The following PHACTR1 variants were observed in gnomAD, a reference collection of about 807,000 sequenced individuals.
PHACTR1 encodes the protein phosphatase and actin regulator 1.
In PHACTR1, 16 loss-of-function variants were observed where a neutral mutation model predicts 69.2. The ratio of observed to expected loss-of-function variants is 0.23; its 90% confidence interval spans 0.16 to 0.35. The LOEUF (loss-of-function observed/expected upper bound fraction) is 0.35, where lower values mean the gene tolerates loss of function less well. PHACTR1 is among the 10% of genes least tolerant of loss of function. The pLI, the probability that PHACTR1 is intolerant of heterozygous loss-of-function variation, is 1.00. For missense variants in PHACTR1, 510 were observed against 734.7 expected, an observed-to-expected ratio of 0.69 and a Z score of 3.54; for synonymous variants, 312 against 284.5, an observed-to-expected ratio of 1.10 and a Z score of -0.97.
chr6:12,750,976 ATG>A (rs5874376), intron 4 of PHACTR1, among the ~76,000 whole-genome samples: 68,637 of 151,350 alleles, frequency 0.45, 15,881 homozygotes, highest in Non-Finnish European at 0.49. Context: ...ATCAAACAAA[ATG>A]TGTGTGTGTG....
chr6:12,988,843 T>C (rs530031834), intron 4 of PHACTR1, among the ~76,000 whole-genome samples: 3 of 152,186 alleles, frequency 2.0e-5, no homozygotes, highest in African/African-American at 7.2e-5. Flanking sequence ...AGCCTACTCA[T>C]CTCACAGGAG....
intron 4 of PHACTR1, among the ~76,000 whole-genome samples, chr6:12,894,062 C>T (rs1020248522): frequency 1.3e-5 from 2 of 152,208 alleles, no homozygotes; most frequent in Admixed American, 6.5e-5. Flanking sequence ...ACTTTTTAAG[C>T]GTTCTCGCCA....
intron 5 of PHACTR1, among the ~76,000 whole-genome samples, chr6:13,149,422 T>TA (rs1823958992): frequency 6.7e-6 from 1 of 149,034 alleles, no homozygotes; most frequent in Non-Finnish European, 1.5e-5. Context: ...CTCTGTGGGT[T>TA]ACTATTCTGC....
intron 4 of PHACTR1, among the ~76,000 whole-genome samples, chr6:12,951,401 A>T (rs1791277201): frequency 6.6e-6 from 1 of 152,264 alleles, no homozygotes; most frequent in South Asian, 2.1e-4. Flanking sequence ...ACCCTTAGTT[A>T]GTCAGCCAGG....
At chr6:13,024,795 G>A (rs988771152) in intron 4 of PHACTR1, among the ~76,000 whole-genome samples, 4 of 152,188 alleles carry the variant, frequency 2.6e-5, no homozygotes, top group Admixed American at 6.5e-5. Context: ...GCCCTTTGCC[G>A]TGGGAGTAGA....
chr6:13,211,678 G>A (rs542683001), intron 8 of PHACTR1, among the ~76,000 whole-genome samples: 140 of 152,222 alleles, frequency 9.2e-4, no homozygotes, highest in African/African-American at 3.1e-3. Flanking sequence ...CTGACTGTCC[G>A]CAAATCCTGT....
intron 10 of PHACTR1, among the ~76,000 whole-genome samples, chr6:13,268,018 G>A (rs1029081279): frequency 6.6e-5 from 10 of 152,132 alleles, no homozygotes; most frequent in Admixed American, 1.3e-4. Context: ...TGTAATCTCA[G>A]CACTCTGGGA....
intron 4 of PHACTR1, among the ~76,000 whole-genome samples, chr6:13,026,795 A>G (rs563931195): frequency 6.6e-6 from 1 of 152,254 alleles, no homozygotes; most frequent in East Asian, 1.9e-4. Context: ...CCCCGTGCCC[A>G]GCCAAACCTC....
At chr6:12,884,959 C>G (rs1432313821) in intron 4 of PHACTR1, among the ~76,000 whole-genome samples, 2 of 152,184 alleles carry the variant, frequency 1.3e-5, no homozygotes, top group Non-Finnish European at 2.9e-5. Flanking sequence ...GGAGTTTTCT[C>G]GATAATTTAG....
At chr6:12,791,637 G>A (rs1772289633) in intron 4 of PHACTR1, among the ~76,000 whole-genome samples, 4 of 152,172 alleles carry the variant, frequency 2.6e-5, no homozygotes, top group Admixed American at 2.0e-4. Context: ...ACTGCTCTAC[G>A]ACTCACCTTT....
At chr6:12,793,804 G>A (rs1343731609) in intron 4 of PHACTR1, among the ~76,000 whole-genome samples, 1 of 152,150 alleles carries the variant, frequency 6.6e-6, no homozygotes, top group Non-Finnish European at 1.5e-5. Context: ...TGAGTCATCA[G>A]ATTTCCAATG....
intron 4 of PHACTR1, among the ~76,000 whole-genome samples, chr6:12,998,663 A>G (rs1353091719): frequency 6.6e-6 from 1 of 152,042 alleles, no homozygotes; most frequent in Non-Finnish European, 1.5e-5. Flanking sequence ...GCAGCGCAAA[A>G]CATCAAGTCA....
At chr6:13,248,157 T>G (rs1773852452) in intron 10 of PHACTR1, among the ~76,000 whole-genome samples, 1 of 152,212 alleles carries the variant, frequency 6.6e-6, no homozygotes, top group Non-Finnish European at 1.5e-5. Flanking sequence ...CTGTCAAGTT[T>G]CCCTCTCTCT....
At chr6:12,771,375 T>TGCTCACAGGACTGGTTAATGA (rs1769357961) in intron 4 of PHACTR1, among the ~76,000 whole-genome samples, 5 of 152,194 alleles carry the variant, frequency 3.3e-5, no homozygotes, top group Non-Finnish European at 7.3e-5. Flanking sequence ...AGGGGGCAGA[T>TGCTCACAGGACTGGTTAATGA]GCTCACAGGA....
chr6:12,930,233 C>T lies in PHACTR1; in HGVS notation c.251-123132C>T, dbSNP rs79735860. Among the ~76,000 whole-genome samples, 1,184 of 152,010 alleles carry T rather than the reference C, an allele frequency of 7.8e-3. 17 individuals carry two copies. Among genetic ancestry groups the T allele is most frequent in the African/African-American group, 0.027 (1,121 of 41,432 alleles). On this transcript the variant is annotated intron_variant, in intron 4 of 14. Transcript: ENST00000332995. ...TGATTTGGGGGAATTATTGTGGAGA[C>T]GGGGTCTTGCTCTATTATCCAAGTT...
chr6:12,824,669 C>T (rs1015890097), intron 4 of PHACTR1, among the ~76,000 whole-genome samples: 3 of 152,152 alleles, frequency 2.0e-5, no homozygotes, highest in Admixed American at 2.0e-4. Context: ...TATTCTTTTC[C>T]TAGCACTATT....
chr6:13,286,065 A>G, intron 13 of PHACTR1, 81 bp from the exon 14 acceptor site: 1 of 1,184,992 alleles, frequency 8.4e-7, no homozygotes, highest in Non-Finnish European at 1.2e-6. Context: ...GAAGAAAAAT[A>G]TGTTGTTAGG....
chr6:13,050,095 T>C (rs1287867558), intron 4 of PHACTR1, among the ~76,000 whole-genome samples: 1 of 152,226 alleles, frequency 6.6e-6, no homozygotes, highest in Non-Finnish European at 1.5e-5. Flanking sequence ...CTCTTTGCTG[T>C]GGTTTCCCAC....
intron 4 of PHACTR1, among the ~76,000 whole-genome samples, chr6:12,805,112 G>A (rs1774154850): frequency 6.6e-6 from 1 of 152,076 alleles, no homozygotes; most frequent in Admixed American, 6.6e-5. Flanking sequence ...GTGAAGTTTG[G>A]GGCTAAAACC....
Sources: gnomAD v4.1 joint callset for allele counts (sites outside exome capture counted in the v4.1 genomes callset) on GRCh38, gnomAD v4.1.1 for gene constraint, MANE v1.5 for transcripts, NCBI Gene and HGNC (gene_info 2026-07-23, HGNC 2026-07-21) for gene names.